Variants in TMPO observed in about 807,000 individuals in gnomAD.
TMPO encodes LEM domain containing 4.
Under a neutral mutation model 45.4 loss-of-function variants are expected in TMPO, and 22 were observed. The ratio of observed to expected loss-of-function variants is 0.48; its 90% CI spans 0.35 to 0.69. TMPO has a LOEUF of 0.69. Ranked by LOEUF, TMPO falls within the 30% of genes least tolerant of loss-of-function variation. TMPO has a pLI of 0.01. For synonymous variants in TMPO, 241 were observed against 204.1 expected (o/e 1.18, Z -1.54); for missense variants, 512 against 548.8 (o/e 0.93, Z 0.67).
In TMPO at chr12:98,548,125, G is replaced by T; in HGVS notation, c.*267G>T. On this transcript the variant is annotated 3_prime_UTR_variant, in exon 9 of 9. Coordinates refer to ENST00000556029, the MANE Select transcript of TMPO (RefSeq NM_001032283.3). ...TTTGTAGGCTTTATTTTTTTAATGT[G>T]GGCATCTTATTTCATTTTTGAAAAA... 1 of 338,186 alleles carries T rather than the reference G, an allele frequency of 3.0e-6. No individual in the cohort carries two copies. The highest frequency in any genetic ancestry group is 5.3e-6 in the Non-Finnish European group (1 of 187,168). 20.9% of individuals were successfully genotyped at this position (338,186 alleles called of 1,614,324 possible). A position where few individuals can be genotyped will look rare whatever the true frequency, so the allele number is the denominator to read the frequency against.
intron 3 of TMPO, chr12:98,532,095 T>A (rs890138414): frequency 2.4e-6 from 1 of 416,982 alleles, no homozygotes; most frequent in African/African-American, 2.0e-5. Flanking sequence ...CTCATTTTTC[T>A]GAGAGAATAA....
chr12:98,532,895 C>G (rs138938727), intron 3 of TMPO: 2 of 1,613,968 alleles, frequency 1.2e-6, no homozygotes. Flanking sequence ...GGAACTACTC[C>G]CTCTGGTGGT....
intron 8 of TMPO, among the ~76,000 whole-genome samples, chr12:98,547,295 G>C (rs1407378932): frequency 6.6e-6 from 1 of 152,106 alleles, no homozygotes; most frequent in Non-Finnish European, 1.5e-5. Context: ...GGCTAGTCTT[G>C]AACTCCTGAC....
At chr12:98,540,053 GGTT>G (rs1877820156) in intron 4 of TMPO, among the ~76,000 whole-genome samples, 1 of 152,088 alleles carries the variant, frequency 6.6e-6, no homozygotes, top group African/African-American at 2.4e-5. Flanking sequence ...TTTGATTTTT[GGTT>G]GTTTTACTCT....
intron 2 of TMPO, among the ~76,000 whole-genome samples, chr12:98,531,394 G>A (rs969557872): frequency 1.3e-5 from 2 of 151,682 alleles, no homozygotes; most frequent in Non-Finnish European, 2.9e-5. Context: ...GTGCCACCAT[G>A]CCCGGCTAAT....
intron 8 of TMPO, 76 bp downstream of exon 8, chr12:98,546,523 T>C: frequency 8.6e-7 from 1 of 1,159,536 alleles, no homozygotes; most frequent in African/African-American, 1.5e-5. Flanking sequence ...ATCACAAAGT[T>C]ACTGTACTTC....
intron 1 of TMPO, among the ~76,000 whole-genome samples, chr12:98,518,279 T>C (rs1324702529): frequency 1.3e-5 from 2 of 152,068 alleles, no homozygotes; most frequent in Admixed American, 6.5e-5. Context: ...TTTGGTTGTA[T>C]GTTTATAATA....
At chr12:98,523,837 G>A (rs1304654868) in intron 1 of TMPO, among the ~76,000 whole-genome samples, 2 of 151,930 alleles carry the variant, frequency 1.3e-5, no homozygotes, top group African/African-American at 2.4e-5. Context: ...CATCACACCT[G>A]GCTAATTTTT....
chr12:98,519,128 C>G (rs1158019467), intron 1 of TMPO, among the ~76,000 whole-genome samples: 1 of 152,132 alleles, frequency 6.6e-6, no homozygotes, highest in African/African-American at 2.4e-5. Flanking sequence ...GTGATCCTCC[C>G]GTCTCGGCTT....
intron 3 of TMPO, chr12:98,532,829 A>C (rs1019625280): frequency 6.2e-7 from 1 of 1,614,208 alleles, no homozygotes; most frequent in South Asian, 1.1e-5. Flanking sequence ...ACAGGAAAGA[A>C]GAAAGAACAC....
chr12:98,527,855 T>C, intron 1 of TMPO, 31 bp from the exon 2 acceptor site: 2 of 1,612,126 alleles, frequency 1.2e-6, no homozygotes, highest in Non-Finnish European at 1.7e-6. Context: ...CTTTAATTCA[T>C]ATGGAAATGA....
intron 1 of TMPO, among the ~76,000 whole-genome samples, chr12:98,517,192 CTT>C (rs1233705499): frequency 2.6e-5 from 4 of 152,214 alleles, no homozygotes; most frequent in Non-Finnish European, 5.9e-5. Flanking sequence ...AAACGAAAGA[CTT>C]AGGATTCAGG....
At chr12:98,527,525 T>TAAAA (rs145065353) in intron 1 of TMPO, 8,559 of 158,804 alleles carry the variant, frequency 0.054, 345 homozygotes, top group East Asian at 0.18. Context: ...CCTGTATCAT[T>TAAAA]AAAAAAAAAA....
chr12:98,533,078 G>A lies in TMPO; in HGVS notation c.565+1240G>A, dbSNP rs139700737. On this transcript the variant is annotated intron_variant, in intron 3 of 8. Coordinates refer to ENST00000556029, the MANE Select transcript of TMPO (RefSeq NM_001032283.3). ...CAGTTGCAGAAGTTAGCCTCTGAAA[G>A]GAATTTGTTTATTTCATGCAAGTCT... The A allele has an allele frequency of 4.3e-3, 6,942 of 1,613,804 alleles. 19 individuals are homozygous for A. The highest frequency in any genetic ancestry group is 5.1e-3 in the Non-Finnish European group (6,001 of 1,179,770).
In TMPO at chr12:98,529,300, C is replaced by T. The variant is rs143775714; in HGVS notation, c.406+1288C>T. ...AACTCCCGACCTCAGGTGATCCCAC[C>T]CACCTCAGGCTCCCAAAGTGCTGGG... is the stretch of plus-strand genomic sequence containing the variant. On this transcript the variant is annotated intron_variant, in intron 2 of 8. Coordinates refer to ENST00000556029, the MANE Select transcript of TMPO (RefSeq NM_001032283.3). Among the ~76,000 whole-genome samples the T allele has an allele frequency of 2.3e-3, 348 of 152,174 alleles. 4 individuals carry two copies. Among genetic ancestry groups the T allele is most frequent in the African/African-American group, 8.1e-3 (335 of 41,528 alleles).
intron 3 of TMPO, chr12:98,532,920 T>C: frequency 6.2e-7 from 1 of 1,614,128 alleles, no homozygotes; most frequent in Non-Finnish European, 8.5e-7. Flanking sequence ...TTTTTCAGGG[T>C]ATTTCTTTTC....
chr12:98,522,065 G>A (rs770106388), intron 1 of TMPO, among the ~76,000 whole-genome samples: 3 of 151,948 alleles, frequency 2.0e-5, no homozygotes, highest in Non-Finnish European at 4.4e-5. Context: ...ATAGGGTCTC[G>A]CTCTGTCCCT....
At chr12:98,519,510 T>A (rs1876164889) in intron 1 of TMPO, among the ~76,000 whole-genome samples, 1 of 152,188 alleles carries the variant, frequency 6.6e-6, no homozygotes, top group Non-Finnish European at 1.5e-5. Context: ...AGAAGTCATG[T>A]TTTTTAGAGT....
At position 98,521,100 on chromosome 12, in the gene TMPO, A is replaced by ATTTTTTTTTTTTTTTTTTTTTTTTT. The variant is rs398044704; in HGVS notation, c.279+4955_279+4979dup. Among the ~76,000 whole-genome samples, 11 of 76,768 alleles carry ATTTTTTTTTTTTTTTTTTTTTTTTT rather than the reference A, an allele frequency of 1.4e-4. 1 individual carries two copies. The highest frequency in any genetic ancestry group is 2.2e-4 in the African/African-American group (4 of 17,804). 50.4% of individuals were successfully genotyped at this position (76,768 alleles called of 152,430 possible). ...CTATTTAATCATGGGTTTATGAGGA[A>ATTTTTTTTTTTTTTTTTTTTTTTTT]TTTTTTTTTTTTTTTTTTTTTTTTT... On this transcript the variant is annotated intron_variant, in intron 1 of 8. Transcript: ENST00000556029.
Sources: allele counts gnomAD v4.1 joint callset (sites outside exome capture counted in the v4.1 genomes callset), GRCh38; gene constraint gnomAD v4.1.1; transcripts MANE v1.5; gene names NCBI Gene and HGNC (gene_info 2026-07-23, HGNC 2026-07-21).